MDGA2: variants seen among roughly 807,000 people sequenced by gnomAD.
MDGA2 encodes MAM domain-containing glycosylphosphatidylinositol anchor protein 2.
MDGA2 carries 40 observed loss-of-function variants against 117.8 expected under a neutral mutation model. The observed-to-expected ratio is 0.34, with a 90% confidence interval of 0.26 to 0.44. The LOEUF is 0.44. Ranked by LOEUF, MDGA2 falls within the 20% of genes least tolerant of loss-of-function variation. The pLI, the probability that MDGA2 is intolerant of heterozygous loss-of-function variation, is 1.00. For missense variants in MDGA2, 1,123 were observed against 1,250.6 expected, an observed-to-expected ratio of 0.90 and a Z score of 1.54; for synonymous variants, 452 against 439.0, an observed-to-expected ratio of 1.03 and a Z score of -0.37.
intron 1 of MDGA2, among the ~76,000 whole-genome samples, chr14:47,346,275 G>A (rs1302638947): frequency 6.6e-6 from 1 of 152,114 alleles, no homozygotes; most frequent in African/African-American, 2.4e-5. Context: ...GCTAACAACA[G>A]TTAACGGACA....
In MDGA2 at chr14:47,307,003, T is replaced by C. The variant is rs544813926; in HGVS notation, c.281-5453A>G. Among the ~76,000 whole-genome samples, 3 of 152,306 alleles carry C rather than the reference T, an allele frequency of 2.0e-5. No individual in the cohort carries two copies. In the South Asian group the frequency reaches 6.2e-4, roughly 32 times the overall value. On this transcript the variant is annotated intron_variant, in intron 1 of 16. Transcript: ENST00000399232. ...GCTTGTAAAGCAAACATAACAATAA[T>C]CAAACTTTCTTCCCAGCTTTCTATT...
intron 1 of MDGA2, among the ~76,000 whole-genome samples, chr14:47,345,297 C>A (rs2138335152): frequency 6.6e-6 from 1 of 152,134 alleles, no homozygotes; most frequent in East Asian, 1.9e-4. Context: ...TTCAGCCTGT[C>A]CCCTTTATAA....
chr14:46,958,726 G>C (rs1048453796), intron 8 of MDGA2, among the ~76,000 whole-genome samples: 1 of 152,170 alleles, frequency 6.6e-6, no homozygotes, highest in African/African-American at 2.4e-5. Context: ...CAGAAGCAGT[G>C]TTTCTTCATT....
At chr14:47,551,631 A>G (rs1200441654) in intron 1 of MDGA2, among the ~76,000 whole-genome samples, 1 of 152,194 alleles carries the variant, frequency 6.6e-6, no homozygotes, top group East Asian at 1.9e-4. Flanking sequence ...TCAATCCTGC[A>G]TCTCCCAAGA....
At chr14:47,114,931 T>G (rs1453516814) in intron 5 of MDGA2, among the ~76,000 whole-genome samples, 1 of 140,944 alleles carries the variant, frequency 7.1e-6, no homozygotes, top group East Asian at 2.1e-4. Context: ...GGGACCCGAG[T>G]AATCCAAAGA....
At chr14:47,257,947 G>T (rs1053155460) in intron 2 of MDGA2, among the ~76,000 whole-genome samples, 3 of 152,072 alleles carry the variant, frequency 2.0e-5, no homozygotes, top group Non-Finnish European at 2.9e-5. Context: ...TTGCAAAGAT[G>T]CATTTTAGCT....
chr14:47,258,149 A>T (rs1177363016), intron 2 of MDGA2, among the ~76,000 whole-genome samples: 1 of 152,134 alleles, frequency 6.6e-6, no homozygotes, highest in African/African-American at 2.4e-5. Context: ...ATCTTCATGT[A>T]GTATGTTCAT....
intron 2 of MDGA2, among the ~76,000 whole-genome samples, chr14:47,282,523 A>AACACACAC (rs59651044): frequency 3.3e-5 from 5 of 149,384 alleles, no homozygotes; most frequent in Non-Finnish European, 7.4e-5. Context: ...ATTAAAAATA[A>AACACACAC]ACACACACAC....
intron 3 of MDGA2, among the ~76,000 whole-genome samples, chr14:47,164,811 T>C (rs1260163279): frequency 2.0e-5 from 3 of 152,186 alleles, no homozygotes; most frequent in African/African-American, 4.8e-5. Context: ...TGTATGTTTA[T>C]TGCAGCACTA....
intron 10 of MDGA2, among the ~76,000 whole-genome samples, chr14:46,916,945 T>C (rs1406367681): frequency 6.6e-6 from 1 of 151,922 alleles, no homozygotes; most frequent in Non-Finnish European, 1.5e-5. Flanking sequence ...GCTTCAAAAA[T>C]TGAGTAAGGG....
At chr14:46,966,780 G>A (rs1886048093) in intron 8 of MDGA2, among the ~76,000 whole-genome samples, 1 of 141,826 alleles carries the variant, frequency 7.1e-6, no homozygotes, top group Admixed American at 7.3e-5. Context: ...GTATCTACTG[G>A]CTCAAGATGT....
In MDGA2 at chr14:47,125,277, G is replaced by C. The variant is rs550513280; in HGVS notation, c.925+6437C>G. Among the ~76,000 whole-genome samples, 100 of 152,092 alleles carry C rather than the reference G, an allele frequency of 6.6e-4. 3 individuals are homozygous for C. The South Asian group carries it at 0.021, about 31-fold the overall frequency. On this transcript the variant is annotated intron_variant, in intron 5 of 16. Transcript: ENST00000399232. Reference sequence around the variant, plus strand: ...GCATATCGCAAGAGAAATTGTTTTTGTATTTTGTTTCATGCCCACAGCTAT... The same window carrying C: ...GCATATCGCAAGAGAAATTGTTTTTCTATTTTGTTTCATGCCCACAGCTAT...
Position 46,957,546 on chromosome 14 carries a change from C to A in MDGA2, c.1917G>T (p.Arg639=). The change falls in exon 9 of 17, where the codon CGG becomes CGT. Residue 639 remains arginine, a synonymous_variant. Transcript: ENST00000399232. ...SCRVLRAYPI[R]VLTYEWRLGN... ...CCAAGCGCCACTCATAGGTCAGCAC[C>A]CGTATTGGATAGGCTCTCAGTACTC... is the stretch of plus-strand genomic sequence containing the variant. 1 of 1,614,120 alleles carries A rather than the reference C, an allele frequency of 6.2e-7. No homozygotes were observed. The highest frequency in any genetic ancestry group is 8.5e-7 in the Non-Finnish European group (1 of 1,180,022).
At chr14:47,221,679 C>T (rs1239204548) in intron 2 of MDGA2, among the ~76,000 whole-genome samples, 1 of 92,242 alleles carries the variant, frequency 1.1e-5, no homozygotes, top group African/African-American at 4.8e-5. Context: ...CAGAGCGAGA[C>T]TCTATCTCAA....
rs7149670 is a variant in MDGA2, at chr14:47,095,499, A to C, written c.1195+1355T>G. Among the ~76,000 whole-genome samples, 68 of 151,908 alleles carry C rather than the reference A, an allele frequency of 4.5e-4. 1 individual carries two copies. The East Asian group carries it at 0.012, about 27-fold the overall frequency. On this transcript the variant is annotated intron_variant, in intron 6 of 16. Transcript: ENST00000399232. ...TGCAGGCCAATAAATGACATATTTT[A>C]AAAAAAATCAAAGTATAAACAAATT... is the stretch of plus-strand genomic sequence containing the variant.
chr14:47,178,978 T>C (rs1884591434), intron 3 of MDGA2, among the ~76,000 whole-genome samples: 1 of 152,048 alleles, frequency 6.6e-6, no homozygotes, highest in African/African-American at 2.4e-5. Flanking sequence ...GAGAGACATA[T>C]GGGAGTACTG....
chr14:47,313,337 A>G (rs1358180236), intron 1 of MDGA2, among the ~76,000 whole-genome samples: 1 of 152,040 alleles, frequency 6.6e-6, no homozygotes, highest in Non-Finnish European at 1.5e-5. Flanking sequence ...GAGTGACACT[A>G]CCTTGGCTCA....
At chr14:47,560,401 T>A (rs943584850) in intron 1 of MDGA2, among the ~76,000 whole-genome samples, 8 of 152,206 alleles carry the variant, frequency 5.3e-5, no homozygotes, top group African/African-American at 1.9e-4. Flanking sequence ...ATAGGCTTTC[T>A]GACTGTTGTG....
At chr14:47,029,987 C>T (rs1227136431) in intron 8 of MDGA2, among the ~76,000 whole-genome samples, 2 of 151,680 alleles carry the variant, frequency 1.3e-5, no homozygotes, top group Admixed American at 6.6e-5. Context: ...ACCACCACAG[C>T]CAGCTAATTT....
Sources: allele counts gnomAD v4.1 joint callset (sites outside exome capture counted in the v4.1 genomes callset), GRCh38; gene constraint gnomAD v4.1.1; transcripts MANE v1.5; gene names NCBI Gene and HGNC (gene_info 2026-07-23, HGNC 2026-07-21).